OR8B2: variants seen among roughly 807,000 people sequenced by gnomAD.
OR8B2 encodes olfactory receptor family 8 subfamily B member 2, also known as olfactory receptor 8B2.
For missense variants in OR8B2, 304 were observed against 379.6 expected (o/e 0.80, Z 1.65); for synonymous variants, 98 against 138.2 (o/e 0.71, Z 2.04).
rs1418909499 is a variant in OR8B2, at chr11:124,384,355, A to G, written c.-18+19T>C. ...TCAGCAACATCCAGGAGAGAGAAAT[A>G]GAAACTTGATTAACTCACCTTCCTT... On this transcript the variant is annotated intron_variant, in intron 1 of 1. Coordinates refer to ENST00000641451, the MANE Select transcript of OR8B2 (RefSeq NM_001005468.2). 2 of 152,190 alleles carry G rather than the reference A, an allele frequency of 1.3e-5. No individual in the cohort carries two copies. Among genetic ancestry groups the G allele is most frequent in the Non-Finnish European group, 2.9e-5 (2 of 68,032 alleles). The allele number at this position is 152,190 out of a possible 1,614,324, so 9.4% of individuals were successfully genotyped here.
chr11:124,384,780 CTTG>C (rs1860668493), upstream of OR8B2, among the ~76,000 whole-genome samples: 1 of 152,154 alleles, frequency 6.6e-6, no homozygotes, highest in Non-Finnish European at 1.5e-5. Flanking sequence ...TACAGCCTAA[CTTG>C]TTGTTGTAGA....
At chr11:124,392,418 C>T in the OR8B2 span, among the ~76,000 whole-genome samples, 1 of 113,584 alleles carries the variant, frequency 8.8e-6, no homozygotes. Flanking sequence ...AGCAAAGTCT[C>T]AGGATACAAA....
At chr11:124,388,780 A>C (rs1341284596), upstream of OR8B2, among the ~76,000 whole-genome samples, 1 of 152,116 alleles carries the variant, frequency 6.6e-6, no homozygotes. Flanking sequence ...TTAAAATTGA[A>C]ACTTGTACCT....
At chr11:124,390,944 GT>G in the OR8B2 span, among the ~76,000 whole-genome samples, 1 of 152,038 alleles carries the variant, frequency 6.6e-6, no homozygotes, top group East Asian at 1.9e-4. Context: ...AAGGTTTGGT[GT>G]TTTCCTTATG....
upstream of OR8B2, among the ~76,000 whole-genome samples, chr11:124,386,172 CTT>C (rs55659023): frequency 6.8e-6 from 1 of 146,552 alleles, no homozygotes. Flanking sequence ...CTAATTCTAC[CTT>C]TTTTTTTTGT....
the OR8B2 span, chr11:124,396,503 C>T: frequency 1.9e-6 from 3 of 1,614,108 alleles, no homozygotes; most frequent in Non-Finnish European, 2.5e-6. Context: ...GAGGATTGAG[C>T]ATGGGCACCA....
rs644147 is a variant in OR8B2, at chr11:124,382,996, A to G, written c.348T>C (p.Thr116=). 0.32 allele frequency: 508,101 copies of G among 1,598,868 alleles called. 83,550 individuals are homozygous for G. The highest frequency in any genetic ancestry group is 0.4 in the African/African-American group (29,546 of 74,308). The change falls in exon 2 of 2, where the codon ACT becomes ACC. Residue 116 remains threonine, a synonymous_variant. Coordinates refer to ENST00000641451, the MANE Select transcript of OR8B2 (RefSeq NM_001005468.2). ...FFVISECYML[T]SMAYDRYVAI... Reference sequence around the variant, plus strand: ...CCACATAGCGATCATATGCCATTGAAGTCAACATGTAACATTCAGAGATGA... The same window carrying G: ...CCACATAGCGATCATATGCCATTGAGGTCAACATGTAACATTCAGAGATGA...
At chr11:124,389,635 A>G in the OR8B2 span, among the ~76,000 whole-genome samples, 1 of 152,208 alleles carries the variant, frequency 6.6e-6, no homozygotes, top group Non-Finnish European at 1.5e-5. Flanking sequence ...AGGGATAAAA[A>G]TTGATTGTTA....
chr11:124,395,494 A>C, the OR8B2 span: 1 of 152,208 alleles, frequency 6.6e-6, no homozygotes, highest in Non-Finnish European at 1.5e-5. Flanking sequence ...AGTTTATTAA[A>C]ATTAATATAC....
At chr11:124,393,613 A>G in the OR8B2 span, among the ~76,000 whole-genome samples, 1 of 151,938 alleles carries the variant, frequency 6.6e-6, no homozygotes, top group East Asian at 1.9e-4. Context: ...TCAGGAAACA[A>G]CAGGTGCTGG....
the OR8B2 span, among the ~76,000 whole-genome samples, chr11:124,393,512 ACGT>A: frequency 8.2e-6 from 1 of 121,826 alleles, no homozygotes; most frequent in Non-Finnish European, 1.6e-5. Flanking sequence ...ACATGAAAAA[ACGT>A]TCATCATCAC....
At chr11:124,383,907 A>ATGTGATTCAC (rs1860651525) in intron 1 of OR8B2, among the ~76,000 whole-genome samples, 4 of 152,174 alleles carry the variant, frequency 2.6e-5, no homozygotes, top group Admixed American at 2.0e-4. Context: ...TTCACCACAT[A>ATGTGATTCAC]CAAATCACAT....
chr11:124,389,866 G>T, the OR8B2 span, among the ~76,000 whole-genome samples: 2 of 152,110 alleles, frequency 1.3e-5, no homozygotes, highest in Admixed American at 1.3e-4. Context: ...TCCTAAAGAG[G>T]ATATTTAAAC....
In OR8B2 at chr11:124,383,175, T is replaced by C; in HGVS notation, c.169A>G (p.Thr57Ala). 6.2e-7 allele frequency: 1 copy of C among 1,613,896 alleles called. No individual in the cohort carries two copies. Among genetic ancestry groups the C allele is most frequent in the Non-Finnish European group, 8.5e-7 (1 of 1,179,846 alleles). The change falls in exon 2 of 2, where the codon ACA (threonine) becomes GCA (alanine). Residue 57 changes from threonine to alanine, a missense_variant. Coordinates refer to ENST00000641451, the MANE Select transcript of OR8B2 (RefSeq NM_001005468.2). The part of the protein sequence containing the change: ...TLFGLNSHLH[T>A]PMYYFLFNLS... ...TTGAAGAGGAAATAGTACATTGGTG[T>C]GTGGAGGTGAGAATTTAGACCGAAA...
At chr11:124,396,473 G>C in the OR8B2 span, 1 of 1,613,812 alleles carries the variant, frequency 6.2e-7, no homozygotes, top group Non-Finnish European at 8.5e-7. Flanking sequence ...TGACATCCTT[G>C]TTCCTCAAAC....
chr11:124,383,616 A>T (rs1294998176), intron 1 of OR8B2, among the ~76,000 whole-genome samples: 1 of 152,180 alleles, frequency 6.6e-6, no homozygotes, highest in Non-Finnish European at 1.5e-5. Flanking sequence ...GCACAGGCCT[A>T]CCTGCTGTTG....
At chr11:124,396,371 T>C in the OR8B2 span, 8 of 1,530,250 alleles carry the variant, frequency 5.2e-6, no homozygotes, top group South Asian at 1.3e-5. Flanking sequence ...AATAAAAATT[T>C]AAAGTTCTTC....
the OR8B2 span, chr11:124,396,210 T>C: frequency 1.8e-6 from 1 of 549,280 alleles, no homozygotes; most frequent in Non-Finnish European, 3.2e-6. Flanking sequence ...AAAGATGCCA[T>C]GACCTATTTA....
upstream of OR8B2, among the ~76,000 whole-genome samples, chr11:124,388,522 C>A (rs1237125705): frequency 6.6e-6 from 1 of 152,108 alleles, no homozygotes; most frequent in African/African-American, 2.4e-5. Context: ...TGCCTAGGAG[C>A]ACACCAAGCT....
Sources: allele counts gnomAD v4.1 joint callset (sites outside exome capture counted in the v4.1 genomes callset), GRCh38; gene constraint gnomAD v4.1.1; transcripts MANE v1.5; gene names NCBI Gene and HGNC (gene_info 2026-07-23, HGNC 2026-07-21).